The following NCF2 variants were observed in gnomAD, a reference collection of about 807,000 sequenced individuals.
The protein encoded by NCF2 is neutrophil cytosolic factor 2, also known as neutrophil cytosol factor 2.
A neutral mutation model predicts 70.9 loss-of-function variants in NCF2; 45 were observed. The observed-to-expected ratio is 0.63, with a 90% CI of 0.50 to 0.81. The LOEUF (loss-of-function observed/expected upper bound fraction) is 0.81. Ranked by LOEUF, NCF2 falls within the 40% of genes least tolerant of loss-of-function variation. NCF2 has a pLI of 0.00. For synonymous variants in NCF2, 203 were observed against 233.6 expected, an observed-to-expected ratio of 0.87 and a Z score of 1.19; for missense variants, 522 against 631.6, an observed-to-expected ratio of 0.83 and a Z score of 1.86.
chr1:183,589,556 G>A (rs752137410), intron 1 of NCF2, among the ~76,000 whole-genome samples: 2 of 152,250 alleles, frequency 1.3e-5, no homozygotes, highest in East Asian at 1.9e-4. Context: ...AAAACATAAC[G>A]AAAAAGATGC....
At chr1:183,560,015 T>C in intron 14 of NCF2, 81 bp downstream of exon 14, 1 of 1,454,490 alleles carries the variant, frequency 6.9e-7, no homozygotes, top group Non-Finnish European at 9.6e-7. Context: ...TTGTAGATTA[T>C]TGATATTTTC....
intron 2 of NCF2, among the ~76,000 whole-genome samples, chr1:183,580,015 A>G (rs1672986904): frequency 6.6e-6 from 1 of 152,196 alleles, no homozygotes; most frequent in East Asian, 1.9e-4. Flanking sequence ...TAGAAGCTGG[A>G]ACTCTGATCT....
At chr1:183,571,805 C>T (rs1253951087) in intron 5 of NCF2, among the ~76,000 whole-genome samples, 4 of 152,188 alleles carry the variant, frequency 2.6e-5, no homozygotes, top group Admixed American at 2.6e-4. Context: ...TCTCTCAGTG[C>T]TTAGAGGCTG....
intron 11 of NCF2, 109 bp downstream of exon 11, chr1:183,563,896 G>A (rs181315724): frequency 1.5e-5 from 19 of 1,308,590 alleles, no homozygotes; most frequent in East Asian, 6.9e-5. Flanking sequence ...CAACTGGTTC[G>A]ACCCTCCCTT....
chr1:183,589,789 A>G (rs773560368), intron 1 of NCF2, among the ~76,000 whole-genome samples: 1 of 152,222 alleles, frequency 6.6e-6, no homozygotes, highest in African/African-American at 2.4e-5. Context: ...CTTAGAATCA[A>G]TAATCAGGTG....
intron 3 of NCF2, among the ~76,000 whole-genome samples, chr1:183,576,032 T>A (rs1672786721): frequency 6.6e-6 from 1 of 152,262 alleles, no homozygotes; most frequent in Admixed American, 6.5e-5. Context: ...TATTTGGTTC[T>A]CAGCCACCTT....
chr1:183,575,207 T>C (rs541248065), intron 3 of NCF2, among the ~76,000 whole-genome samples: 29 of 152,360 alleles, frequency 1.9e-4, no homozygotes, highest in East Asian at 5.8e-4. Context: ...CAGTGGCTCA[T>C]GCCTGTAATC....
At chr1:183,598,540 G>C in the NCF2 span, among the ~76,000 whole-genome samples, 2 of 151,934 alleles carry the variant, frequency 1.3e-5, no homozygotes, top group African/African-American at 4.8e-5. Flanking sequence ...ATCAAAGGCA[G>C]AGTATAAGGA....
intron 14 of NCF2, among the ~76,000 whole-genome samples, chr1:183,556,560 G>T (rs774022827): frequency 2.6e-5 from 4 of 152,106 alleles, no homozygotes; most frequent in Admixed American, 1.3e-4. Flanking sequence ...CCTTGACAGG[G>T]TCTCACTGTC....
At position 183,556,162 on chromosome 1, in the gene NCF2, C is replaced by T. The variant is rs1558088125; in HGVS notation, c.1537G>A (p.Asp513Asn). The T allele has an allele frequency of 3.1e-6, 5 of 1,614,066 alleles. No homozygotes were observed. Among genetic ancestry groups the T allele is most frequent in the Non-Finnish European group, 4.2e-6 (5 of 1,180,032 alleles). ...VGIFPKVFVE[D>N]CATTDLESTR... ...CTTTCCAAATCTGTAGTTGCGCAGT[C>T]TTCAACAAAAACTTTGGGGAAAATG... The change falls in exon 15 of 15, where the codon GAC becomes AAC. Residue 513 changes from aspartate (D) to asparagine (N), a missense_variant. Asp to Asn is a conservative substitution (Grantham distance 23, BLOSUM62 1). Transcript: ENST00000367535.
At chr1:183,584,735 C>T (rs3768582) in intron 2 of NCF2, among the ~76,000 whole-genome samples, 27,446 of 151,846 alleles carry the variant, frequency 0.18, 2,698 homozygotes, top group East Asian at 0.35. Context: ...AGTCTGGAGA[C>T]GGGGTAAGGG....
At chr1:183,563,928 G>T (rs1022544975) in intron 11 of NCF2, 77 bp downstream of exon 11, 11 of 1,469,878 alleles carry the variant, frequency 7.5e-6, no homozygotes, top group South Asian at 1.1e-5. Context: ...CTATAATCCA[G>T]ACAGACATGT....
Position 183,573,140 on chromosome 1 carries a change from C to T in NCF2, c.609+45G>A, listed in dbSNP as rs755707344. The T allele has an allele frequency of 1.7e-5, 26 of 1,574,192 alleles. No homozygotes were observed. In the South Asian group the frequency reaches 2.4e-4, roughly 15 times the overall value. ...GTCCCTCCCACCTTGCTCCACATGG[C>T]CCGGGCCACAGGAGACTCAGGGGAA... On this transcript the variant is annotated intron_variant, in intron 5 of 14. Transcript: ENST00000367535.
intron 13 of NCF2, among the ~76,000 whole-genome samples, 180 bp downstream of exon 13, chr1:183,563,015 T>A (rs1672138161): frequency 1.3e-5 from 2 of 152,142 alleles, no homozygotes; most frequent in Admixed American, 1.3e-4. Flanking sequence ...GGAAACTCTC[T>A]CCCTGCTGCA....
chr1:183,598,882 T>C, the NCF2 span, among the ~76,000 whole-genome samples: 1 of 152,348 alleles, frequency 6.6e-6, no homozygotes, highest in Non-Finnish European at 1.5e-5. Flanking sequence ...CTTATCAGCA[T>C]TGAGATTCAG....
chr1:183,582,519 G>A (rs1673162359), intron 2 of NCF2, among the ~76,000 whole-genome samples: 1 of 152,210 alleles, frequency 6.6e-6, no homozygotes, highest in South Asian at 2.1e-4. Context: ...TTAGTAACCT[G>A]CTTGTTCCCA....
chr1:183,584,914 TA>T (rs1673274112), intron 2 of NCF2, among the ~76,000 whole-genome samples: 1 of 151,630 alleles, frequency 6.6e-6, no homozygotes, highest in South Asian at 2.1e-4. Context: ...AAAAAGAATT[TA>T]TAAAGTCACA....
chr1:183,567,393 C>A (rs1244087151), intron 7 of NCF2, 48 bp from the exon 8 acceptor site: 11 of 1,611,082 alleles, frequency 6.8e-6, no homozygotes, highest in Non-Finnish European at 6.8e-6. Context: ...TCACATGATG[C>A]CATGGCGCAA....
intron 4 of NCF2, among the ~76,000 whole-genome samples, chr1:183,574,077 G>A (rs191818519): frequency 1.4e-4 from 22 of 152,350 alleles, no homozygotes; most frequent in Non-Finnish European, 1.6e-4. Context: ...GCAACAGAGC[G>A]AGACTCCATC....
Sources: gnomAD v4.1 joint callset for allele counts (sites outside exome capture counted in the v4.1 genomes callset) on GRCh38, gnomAD v4.1.1 for gene constraint, MANE v1.5 for transcripts, NCBI Gene and HGNC (gene_info 2026-07-23, HGNC 2026-07-21) for gene names.